The following GCFC2 variants were observed in gnomAD, a reference collection of about 807,000 sequenced individuals.
GCFC2 encodes the protein intron Large complex component GCFC2.
GCFC2 carries 102 observed loss-of-function variants against 99.4 expected under a neutral mutation model. That is an observed-to-expected ratio of 1.03 (90% CI 0.87 to 1.21). GCFC2 has a LOEUF of 1.21. GCFC2 is among the 50% of genes most tolerant of loss of function. The pLI is 0.00. For synonymous variants in GCFC2, 338 were observed against 316.8 expected (o/e 1.07, Z -0.71); for missense variants, 973 against 920.9 (o/e 1.06, Z -0.73).
At chr2:75,711,905 C>G (rs113730259), upstream of GCFC2, among the ~76,000 whole-genome samples, 29,051 of 152,286 alleles carry the variant, frequency 0.19, 3,484 homozygotes, top group South Asian at 0.26. Flanking sequence ...ACGAGCACCA[C>G]CCCCTGCTCC....
intron 11 of GCFC2, 37 bp downstream of exon 11, chr2:75,687,789 GA>G (rs1282916535): frequency 6.6e-7 from 1 of 1,522,046 alleles, no homozygotes; most frequent in East Asian, 2.3e-5. Context: ...TACTCTGTCA[GA>G]AAATAATTTA....
chr2:75,702,158 AT>A, intron 3 of GCFC2, 40 bp downstream of exon 3: 6 of 1,575,408 alleles, frequency 3.8e-6, no homozygotes, highest in Non-Finnish European at 5.2e-6. Context: ...TTATATTCTA[AT>A]AAAAAATATC....
chr2:75,670,297 A>AAAAC lies in GCFC2; in HGVS notation c.1957-14_1957-13insGTTT. ...TATTGCGGAAGAGCTAAAATAAAAT[A>AAAAC]TCAAGTAAATATGTACCTTTTCTCC... On this transcript the variant is annotated splice_polypyrimidine_tract_variant and intron_variant, in intron 14 of 16. Transcript: ENST00000321027. The AAAAC allele has an allele frequency of 1.3e-6, 2 of 1,559,952 alleles. No homozygotes were observed. Among genetic ancestry groups the AAAAC allele is most frequent in the Non-Finnish European group, 1.8e-6 (2 of 1,131,464 alleles).
chr2:75,701,508 C>G, intron 3 of GCFC2: 1 of 496,038 alleles, frequency 2.0e-6, no homozygotes, highest in South Asian at 3.0e-5. Context: ...TATGTTGAAG[C>G]TGGAAGCTGG....
intron 2 of GCFC2, among the ~76,000 whole-genome samples, chr2:75,706,287 TAAG>T (rs1442274912): frequency 2.0e-5 from 3 of 152,304 alleles, no homozygotes; most frequent in Admixed American, 6.5e-5. Flanking sequence ...GCACAGTGAT[TAAG>T]AAGAATACAG....
At chr2:75,706,790 T>C (rs1680890277) in intron 1 of GCFC2, 139 bp from the exon 2 acceptor site, 1 of 481,608 alleles carries the variant, frequency 2.1e-6, no homozygotes, top group African/African-American at 2.0e-5. Flanking sequence ...ATATTGATCT[T>C]CCTCCAACTT....
intron 11 of GCFC2, among the ~76,000 whole-genome samples, chr2:75,684,103 T>C (rs2104304160): frequency 6.6e-6 from 1 of 152,224 alleles, no homozygotes; most frequent in Admixed American, 6.5e-5. Context: ...ATCCAGGAAT[T>C]GAACTCAGCT....
At chr2:75,682,812 T>G (rs911293684) in intron 11 of GCFC2, among the ~76,000 whole-genome samples, 3 of 151,770 alleles carry the variant, frequency 2.0e-5, no homozygotes, top group Admixed American at 6.6e-5. Context: ...CAGGTATCAA[T>G]AGCTGAATCG....
chr2:75,681,675 A>G (rs1402839830), intron 11 of GCFC2, among the ~76,000 whole-genome samples: 2 of 151,932 alleles, frequency 1.3e-5, no homozygotes, highest in Non-Finnish European at 2.9e-5. Flanking sequence ...CACGGAGCCC[A>G]GCAAGCTAAG....
intron 3 of GCFC2, chr2:75,701,966 C>T (rs1166895275): frequency 1.6e-6 from 2 of 1,287,684 alleles, no homozygotes; most frequent in East Asian, 3.1e-5. Flanking sequence ...TGTCCAAAAA[C>T]ATCAAGGTGG....
At position 75,700,765 on chromosome 2, in the gene GCFC2, A is replaced by C. The variant is rs553804515; in HGVS notation, c.717+425T>G. Among the ~76,000 whole-genome samples the C allele has an allele frequency of 7.6e-4, 116 of 152,350 alleles. 1 individual carries two copies. The highest frequency in any genetic ancestry group is 2.7e-3 in the African/African-American group (111 of 41,584). On this transcript the variant is annotated intron_variant, in intron 4 of 16. Coordinates refer to ENST00000321027, the MANE Select transcript of GCFC2 (RefSeq NM_003203.5). Reference sequence around the variant, plus strand: ...GCCTCCCAAAAGATACATCCATGACATAATCCCTGGAAAGTGCAAACATGA... The same window carrying C: ...GCCTCCCAAAAGATACATCCATGACCTAATCCCTGGAAAGTGCAAACATGA...
intron 5 of GCFC2, 84 bp downstream of exon 5, chr2:75,696,116 T>C: frequency 3.2e-6 from 2 of 619,936 alleles, no homozygotes. Flanking sequence ...ATATCAGTAC[T>C]TAATAATCTA....
chr2:75,697,183 A>C (rs1352155458), intron 4 of GCFC2, among the ~76,000 whole-genome samples: 2 of 152,242 alleles, frequency 1.3e-5, no homozygotes, highest in Non-Finnish European at 2.9e-5. Flanking sequence ...TCCTCTGTCT[A>C]ATCACAGCTC....
chr2:75,670,361 T>A (rs1367766292), intron 14 of GCFC2, 77 bp from the exon 15 acceptor site: 1 of 979,744 alleles, frequency 1.0e-6, no homozygotes, highest in Admixed American at 2.0e-5. Flanking sequence ...ACATGAAGAG[T>A]TGGTCAAACT....
Position 75,710,787 on chromosome 2 carries a change from C to T in GCFC2, c.69G>A (p.Glu23=), listed in dbSNP as rs1015341559. 7.0e-6 allele frequency: 11 copies of T among 1,576,530 alleles called. No individual in the cohort carries two copies. Among genetic ancestry groups the T allele is most frequent in the Non-Finnish European group, 8.6e-6 (10 of 1,166,972 alleles). Residue 23 remains glutamate (E), a synonymous_variant, in exon 1 of 17, where the codon GAG becomes GAA. Transcript: ENST00000321027. ...AADSSDSDGA[E]ESPAEPGAPR... ...GCGCCCCAGGCTCAGCAGGCGACTC[C>T]TCGGCGCCATCGCTGTCGCTGGAAT... is the stretch of plus-strand genomic sequence containing the variant.
chr2:75,694,149 A>G (rs1389676523), intron 6 of GCFC2, 92 bp downstream of exon 6: 2 of 411,074 alleles, frequency 4.9e-6, no homozygotes, highest in Non-Finnish European at 8.7e-6. Flanking sequence ...ATACTAGAGA[A>G]AAGTATCTAA....
At chr2:75,694,780 T>G (rs530193431) in intron 5 of GCFC2, among the ~76,000 whole-genome samples, 1 of 152,128 alleles carries the variant, frequency 6.6e-6, no homozygotes, top group Non-Finnish European at 1.5e-5. Context: ...TGTAAGTAAA[T>G]ATCATGTGGA....
chr2:75,669,150 G>A (rs1364946478), intron 15 of GCFC2, among the ~76,000 whole-genome samples: 3 of 152,042 alleles, frequency 2.0e-5, no homozygotes, highest in Non-Finnish European at 2.9e-5. Context: ...ACTGTTGCAC[G>A]TGTTTTGGCC....
intron 4 of GCFC2, among the ~76,000 whole-genome samples, chr2:75,700,664 A>T (rs1680544998): frequency 6.6e-6 from 1 of 152,214 alleles, no homozygotes; most frequent in African/African-American, 2.4e-5. Context: ...TTAAAAAAAT[A>T]GTACCCTCAA....
Sources: gnomAD v4.1 joint callset for allele counts (sites outside exome capture counted in the v4.1 genomes callset) on GRCh38, gnomAD v4.1.1 for gene constraint, MANE v1.5 for transcripts, NCBI Gene and HGNC (gene_info 2026-07-23, HGNC 2026-07-21) for gene names.